Variants in GALNT9 observed in about 807,000 individuals in gnomAD.
GALNT9 encodes polypeptide N-acetylgalactosaminyltransferase 9.
In GALNT9, 47 loss-of-function variants were observed where a neutral mutation model predicts 63.1. The observed-to-expected ratio is 0.75, with a 90% CI of 0.59 to 0.95. The LOEUF (loss-of-function observed/expected upper bound fraction) is 0.95. Among genes scored for constraint, GALNT9 ranks in the 40% least tolerant of loss-of-function variants. The pLI, the probability that GALNT9 is intolerant of heterozygous loss-of-function variation, is 0.00. For synonymous variants in GALNT9, 396 were observed against 365.7 expected (o/e 1.08, Z -0.94); for missense variants, 829 against 874.8 (o/e 0.95, Z 0.66).
intron 9 of GALNT9, among the ~76,000 whole-genome samples, chr12:132,198,206 C>G (rs560616488): frequency 6.6e-6 from 1 of 152,252 alleles, no homozygotes; most frequent in African/African-American, 2.4e-5. Context: ...GCTGGCTGGT[C>G]TTCCGCCTGG....
chr12:132,299,463 C>T (rs1718535050), intron 1 of GALNT9, among the ~76,000 whole-genome samples: 1 of 141,946 alleles, frequency 7.0e-6, no homozygotes, highest in Non-Finnish European at 1.5e-5. Flanking sequence ...ACACCTAACC[C>T]ACCCCTGAGA....
intron 2 of GALNT9, 42 bp from the exon 3 acceptor site, chr12:132,262,667 G>C (rs1259297468): frequency 1.4e-6 from 2 of 1,470,662 alleles, no homozygotes; most frequent in African/African-American, 1.4e-5. Flanking sequence ...GGCGCAGCAT[G>C]AGGGACCCCG....
intron 2 of GALNT9, among the ~76,000 whole-genome samples, chr12:132,263,784 C>T (rs78978501): frequency 2.0e-5 from 3 of 152,132 alleles, no homozygotes; most frequent in Non-Finnish European, 2.9e-5. Flanking sequence ...CCACAGGCAC[C>T]GGCTGGGCCC....
intron 6 of GALNT9, among the ~76,000 whole-genome samples, chr12:132,222,234 T>G (rs1877479106): frequency 6.6e-6 from 1 of 152,136 alleles, no homozygotes; most frequent in Non-Finnish European, 1.5e-5. Flanking sequence ...GATGTTCAGA[T>G]GGTCAAACAG....
chr12:132,199,210 C>T lies in GALNT9; in HGVS notation c.1461G>A (p.Arg487=). Residue 487 remains arginine, a synonymous_variant, in exon 9 of 11, where the codon CGG becomes CGA. Transcript: ENST00000328957. ...CLDQGAEDGD[R]AILYPCHGMS... ...TCCCGTGGCAGGGGTAGAGGATCGC[C>T]CGGTCGCCGTCCTCCGCTCCCTGGT... The T allele has an allele frequency of 6.2e-7, 1 of 1,604,002 alleles. No homozygotes were observed. The highest frequency in any genetic ancestry group is 8.5e-7 in the Non-Finnish European group (1 of 1,179,482).
chr12:132,219,780 G>A (rs28566792), intron 6 of GALNT9, among the ~76,000 whole-genome samples: 5,868 of 99,212 alleles, frequency 0.059, 190 homozygotes, highest in Middle Eastern at 0.076. Flanking sequence ...ACACCCGCCC[G>A]GGTAAGGGGA....
intron 1 of GALNT9, among the ~76,000 whole-genome samples, chr12:132,324,332 C>T (rs926397277): frequency 6.6e-5 from 10 of 152,216 alleles, no homozygotes; most frequent in African/African-American, 2.4e-4. Context: ...GCGCCTCCAG[C>T]CGCGCCTTCC....
At chr12:132,262,375 C>A (rs1216735488) in intron 3 of GALNT9, 84 bp downstream of exon 3, 2 of 1,470,280 alleles carry the variant, frequency 1.4e-6, no homozygotes, top group East Asian at 5.0e-5. Flanking sequence ...GTCGCTCTGC[C>A]CCCGGAGGCT....
At chr12:132,281,128 C>A (rs1315049295) in intron 2 of GALNT9, among the ~76,000 whole-genome samples, 1 of 152,248 alleles carries the variant, frequency 6.6e-6, no homozygotes, top group African/African-American at 2.4e-5. Flanking sequence ...CTGAGCCGCG[C>A]CGGGATAGGG....
At chr12:132,212,125 G>A (rs1048199646) in intron 6 of GALNT9, among the ~76,000 whole-genome samples, 18 of 150,988 alleles carry the variant, frequency 1.2e-4, no homozygotes, top group East Asian at 5.8e-4. Flanking sequence ...ACCGTGACAC[G>A]GAAACCCCAC....
chr12:132,285,218 C>A (rs1880541221), intron 2 of GALNT9, among the ~76,000 whole-genome samples: 2 of 152,226 alleles, frequency 1.3e-5, no homozygotes, highest in Non-Finnish European at 2.9e-5. Context: ...CTGCCACCAC[C>A]CCACGGTGAA....
chr12:132,253,194 G>T (rs1363973478), intron 5 of GALNT9, among the ~76,000 whole-genome samples: 3 of 152,216 alleles, frequency 2.0e-5, no homozygotes, highest in African/African-American at 7.2e-5. Context: ...TGCGGGAGGA[G>T]CATGAAAGTG....
rs1555238709 is a variant in GALNT9 at position 132,252,893 on chromosome 12, A to AG, written c.959+4795_959+4796insC. Among the ~76,000 whole-genome samples, 1 of 151,974 alleles carries AG rather than the reference A, an allele frequency of 6.6e-6. No individual in the cohort carries two copies. Among genetic ancestry groups the AG allele is most frequent in the East Asian group, 1.9e-4 (1 of 5,180 alleles). On this transcript the variant is annotated intron_variant, in intron 5 of 10. Transcript: ENST00000328957. This position sits in a 1 kb window ranked among gnomAD's most constrained non-coding sequence, Gnocchi z 5.2. ...AGCGAAACTGCCTCAAAAAAAAAAA[A>AG]AGACACGGAGACCAGTAGTGGCCCC...
intron 2 of GALNT9, among the ~76,000 whole-genome samples, chr12:132,267,929 GCA>G (rs373594471): frequency 0.01 from 1,327 of 128,106 alleles, 16 homozygotes; most frequent in Middle Eastern, 0.036. Context: ...TCACACACAT[GCA>G]CACACACACG....
At chr12:132,268,342 T>C (rs61095128) in intron 2 of GALNT9, among the ~76,000 whole-genome samples, 19,879 of 152,140 alleles carry the variant, frequency 0.13, 3,627 homozygotes, top group African/African-American at 0.41. Context: ...AAACACTTCT[T>C]ATTCTGGATA....
chr12:132,325,987 C>T (rs1046831430), intron 1 of GALNT9, among the ~76,000 whole-genome samples: 6 of 152,280 alleles, frequency 3.9e-5, no homozygotes, highest in East Asian at 3.8e-4. Context: ...ACTCGCTCCA[C>T]GCCCACAGCA....
intron 1 of GALNT9, among the ~76,000 whole-genome samples, chr12:132,314,516 G>A (rs144232771): frequency 0.016 from 2,383 of 152,196 alleles, 129 homozygotes; most frequent in Admixed American, 0.035. Flanking sequence ...TGACTTGCCC[G>A]AGGTCACCCC....
At chr12:132,299,132 T>C (rs1405977820) in intron 1 of GALNT9, among the ~76,000 whole-genome samples, 1 of 97,988 alleles carries the variant, frequency 1.0e-5, no homozygotes, top group Admixed American at 1.2e-4. Flanking sequence ...ACTAACCCAC[T>C]CCCACCACAC....
At chr12:132,324,993 G>A (rs781806513) in intron 1 of GALNT9, among the ~76,000 whole-genome samples, 30 of 152,182 alleles carry the variant, frequency 2.0e-4, no homozygotes, top group Non-Finnish European at 3.5e-4. Flanking sequence ...GCTGCGTCCC[G>A]GTGGGCCCAG....
Sources: allele counts gnomAD v4.1 joint callset (sites outside exome capture counted in the v4.1 genomes callset), GRCh38; gene constraint gnomAD v4.1.1; non-coding constraint Gnocchi (gnomAD v3.1); transcripts MANE v1.5; gene names NCBI Gene and HGNC (gene_info 2026-07-23, HGNC 2026-07-21).